Variants in ARHGEF3 observed in about 807,000 individuals in gnomAD.
ARHGEF3 encodes the protein 59.8 kDA protein.
A neutral mutation model predicts 63.2 loss-of-function variants in ARHGEF3; 28 were observed. That is an observed-to-expected ratio of 0.44 (90% CI 0.33 to 0.61). ARHGEF3 has a LOEUF of 0.61. Ranked by LOEUF, ARHGEF3 falls within the 20% of genes least tolerant of loss-of-function variation. The pLI is 0.03. For synonymous variants in ARHGEF3, 266 were observed against 254.2 expected (o/e 1.05, Z -0.44); for missense variants, 533 against 659.3 (o/e 0.81, Z 2.10).
intron 2 of ARHGEF3, among the ~76,000 whole-genome samples, chr3:56,978,228 C>T (rs1387654257): frequency 6.6e-6 from 1 of 152,222 alleles, no homozygotes; most frequent in African/African-American, 2.4e-5. Flanking sequence ...ATGAATGAAC[C>T]TTCAGAAGTC....
In ARHGEF3 at chr3:56,776,643, G is replaced by A. The variant is rs115525366; in HGVS notation, c.97-2827C>T. On this transcript the variant is annotated intron_variant, in intron 1 of 9. Coordinates refer to ENST00000296315, the MANE Select transcript of ARHGEF3 (RefSeq NM_019555.3). ...AATATGTCTCCAGCTACATTTTACT[G>A]CTGTCTAAAGAGAGCCCTCAGGGAA... Among the ~76,000 whole-genome samples, 16 of 152,240 alleles carry A rather than the reference G, an allele frequency of 1.1e-4. No homozygotes were observed. In the South Asian group the frequency reaches 3.3e-3, roughly 32 times the overall value.
chr3:56,925,143 A>G (rs1325980557), intron 3 of ARHGEF3, among the ~76,000 whole-genome samples: 3 of 152,248 alleles, frequency 2.0e-5, no homozygotes, highest in Non-Finnish European at 4.4e-5. Flanking sequence ...TGCAGACCCC[A>G]TTCTGCGAGG....
At chr3:56,788,273 T>A (rs1373667867) in intron 1 of ARHGEF3, among the ~76,000 whole-genome samples, 2 of 152,132 alleles carry the variant, frequency 1.3e-5, no homozygotes, top group African/African-American at 4.8e-5. Flanking sequence ...CCCTCCATAG[T>A]CTGCCAAGCT....
upstream of ARHGEF3, among the ~76,000 whole-genome samples, chr3:56,804,979 C>T (rs999206875): frequency 1.3e-5 from 2 of 152,220 alleles, no homozygotes; most frequent in African/African-American, 4.8e-5. Flanking sequence ...TCTGCCTGCT[C>T]TTCTGGCCCT....
At chr3:56,939,604 C>T (rs532822222) in intron 3 of ARHGEF3, among the ~76,000 whole-genome samples, 3 of 151,934 alleles carry the variant, frequency 2.0e-5, no homozygotes, top group Non-Finnish European at 4.4e-5. Context: ...TGATTCATCC[C>T]GAGGACTATT....
chr3:57,012,780 G>A (rs940345356), intron 2 of ARHGEF3, among the ~76,000 whole-genome samples: 3 of 152,230 alleles, frequency 2.0e-5, no homozygotes, highest in African/African-American at 7.2e-5. Context: ...GCCCACTCTG[G>A]CCACACTTGA....
At chr3:56,995,672 A>AGAGAGAGAGAGGGAG (rs1491108597) in intron 2 of ARHGEF3, among the ~76,000 whole-genome samples, 1 of 131,430 alleles carries the variant, frequency 7.6e-6, no homozygotes, top group Non-Finnish European at 1.7e-5. Flanking sequence ...AGAGAGAGAG[A>AGAGAGAGAGAGGGAG]ATTTTTTTTA....
chr3:57,076,839 A>G (rs1382674342), intron 1 of ARHGEF3: 1 of 152,236 alleles, frequency 6.6e-6, no homozygotes, highest in Non-Finnish European at 1.5e-5. Flanking sequence ...ACAGGACAAC[A>G]CACCTCTGTC....
At chr3:56,974,673 G>GC (rs966655079) in intron 2 of ARHGEF3, among the ~76,000 whole-genome samples, 1 of 151,658 alleles carries the variant, frequency 6.6e-6, no homozygotes, top group South Asian at 2.1e-4. Context: ...CCCTCCCCCT[G>GC]CCCCCCACAT....
At position 56,824,461 on chromosome 3, in the gene ARHGEF3, G is replaced by A. The variant is rs78925719; in HGVS notation, c.193-50645C>T. Reference sequence around the variant, plus strand: ...TTTAATCCCCAGGACAACCTTTAGAGCTCAATCCTTCTAATGACTCCCATT... The same window carrying A: ...TTTAATCCCCAGGACAACCTTTAGAACTCAATCCTTCTAATGACTCCCATT... On this transcript the variant is annotated intron_variant, in intron 4 of 12. Coordinates refer to the ARHGEF3 transcript ENST00000338458. Among the ~76,000 whole-genome samples the A allele has an allele frequency of 9.4e-3, 1,424 of 152,256 alleles. 14 individuals are homozygous for A. Among genetic ancestry groups the A allele is most frequent in the African/African-American group, 0.027 (1,139 of 41,538 alleles).
At chr3:56,799,184 G>T (rs1023245777) in intron 1 of ARHGEF3, among the ~76,000 whole-genome samples, 2 of 152,070 alleles carry the variant, frequency 1.3e-5, no homozygotes, top group Non-Finnish European at 2.9e-5. Context: ...TCAGTGTACG[G>T]TATCAAATGC....
At position 56,968,624 on chromosome 3, in the gene ARHGEF3, C is replaced by G. The variant is rs1700772331; in HGVS notation, c.63-9735G>C. On this transcript the variant is annotated intron_variant, in intron 2 of 12. Coordinates refer to the ARHGEF3 transcript ENST00000338458. ...GATTACAGGTGTGAGCCACCATACC[C>G]AGCCTATTAGTCACATTTTAAAAGT... Among the ~76,000 whole-genome samples, 4 of 151,132 alleles carry G rather than the reference C, an allele frequency of 2.6e-5. No homozygotes were observed. In the South Asian group the frequency reaches 8.3e-4, roughly 31 times the overall value.
chr3:56,882,021 A>G (rs538047410), intron 4 of ARHGEF3, among the ~76,000 whole-genome samples: 1 of 152,356 alleles, frequency 6.6e-6, no homozygotes, highest in Admixed American at 6.5e-5. Flanking sequence ...GTATTTATCT[A>G]GATTCTACCC....
At chr3:57,040,818 C>T (rs991702067) in intron 1 of ARHGEF3, among the ~76,000 whole-genome samples, 1 of 152,100 alleles carries the variant, frequency 6.6e-6, no homozygotes, top group African/African-American at 2.4e-5. Flanking sequence ...TCAACACCCA[C>T]ACCACCCTGC....
intron 3 of ARHGEF3, among the ~76,000 whole-genome samples, chr3:56,917,981 G>A (rs1015624734): frequency 3.3e-5 from 5 of 152,316 alleles, no homozygotes; most frequent in Admixed American, 3.3e-4. Context: ...TCCACTGAGA[G>A]GTGGGTTTCA....
At chr3:56,782,534 G>A (rs1371907176) in intron 1 of ARHGEF3, among the ~76,000 whole-genome samples, 1 of 151,934 alleles carries the variant, frequency 6.6e-6, no homozygotes, top group African/African-American at 2.4e-5. Context: ...TTGGTTGCCA[G>A]TTGCCTCACA....
rs141978136 is a variant in ARHGEF3 at position 57,045,130 on chromosome 3, G to A, written c.-27-9954C>T. On this transcript the variant is annotated intron_variant, in intron 1 of 12. Coordinates refer to the ARHGEF3 transcript ENST00000338458. ...AAAAATACAAAAATTAGCTGGGCGT[G>A]GTGGCGGGCACCTGTAATCCCAGCT... Among the ~76,000 whole-genome samples, 1,189 of 152,284 alleles carry A rather than the reference G, an allele frequency of 7.8e-3. 13 individuals are homozygous for A. Among genetic ancestry groups the A allele is most frequent in the African/African-American group, 0.027 (1,130 of 41,552 alleles).
At chr3:56,807,041 G>A (rs1275422389) in intron 4 of ARHGEF3, among the ~76,000 whole-genome samples, 2 of 151,876 alleles carry the variant, frequency 1.3e-5, no homozygotes, top group South Asian at 4.2e-4. Context: ...ACACCACCAC[G>A]CCCGGCTAAT....
chr3:57,076,979 G>C (rs1190934624), intron 1 of ARHGEF3: 2 of 152,234 alleles, frequency 1.3e-5, no homozygotes, highest in Non-Finnish European at 2.9e-5. Context: ...TAATGGGGGA[G>C]GGGCTGCTTT....
Sources: allele counts gnomAD v4.1 joint callset (sites outside exome capture counted in the v4.1 genomes callset), GRCh38; gene constraint gnomAD v4.1.1; transcripts MANE v1.5; gene names NCBI Gene and HGNC (gene_info 2026-07-23, HGNC 2026-07-21).